INPP5A: variants seen among roughly 807,000 people sequenced by gnomAD.
INPP5A encodes 43 kDa inositol polyphosphate 5-phophatase.
INPP5A carries 14 observed loss-of-function variants against 65.2 expected under a neutral mutation model. The ratio of observed to expected loss-of-function variants is 0.21; its 90% CI spans 0.14 to 0.34. INPP5A has a LOEUF of 0.34. Among genes scored for constraint, INPP5A ranks in the 10% least tolerant of loss-of-function variants. The pLI, the probability that INPP5A is intolerant of heterozygous loss-of-function variation, is 1.00. For missense variants in INPP5A, 431 were observed against 545.6 expected (o/e 0.79, Z 2.09); for synonymous variants, 207 against 208.3 (o/e 0.99, Z 0.05).
At chr10:132,661,321 A>G (rs1298981408) in intron 4 of INPP5A, among the ~76,000 whole-genome samples, 4 of 152,246 alleles carry the variant, frequency 2.6e-5, no homozygotes, top group Non-Finnish European at 5.9e-5. Context: ...TTACTAACAT[A>G]AAAATATTTT....
At chr10:132,580,286 C>T (rs929354876) in intron 1 of INPP5A, among the ~76,000 whole-genome samples, 5 of 152,060 alleles carry the variant, frequency 3.3e-5, no homozygotes, top group East Asian at 1.9e-4. Context: ...TCCTGGGGGC[C>T]GATTTCTCGT....
chr10:132,755,730 C>G (rs968340722), intron 11 of INPP5A, among the ~76,000 whole-genome samples: 3 of 151,972 alleles, frequency 2.0e-5, no homozygotes, highest in Non-Finnish European at 2.9e-5. Context: ...TTAGGCAGAC[C>G]CTAGCGGCAG....
At chr10:132,719,881 G>A (rs1346358777) in intron 8 of INPP5A, among the ~76,000 whole-genome samples, 8 of 148,462 alleles carry the variant, frequency 5.4e-5, no homozygotes, top group Middle Eastern at 3.9e-3. Flanking sequence ...CGCCTTAGAC[G>A]GCTGTCTTCA....
Position 132,545,426 on chromosome 10 carries a change from A to T in INPP5A, c.75+7255A>T, listed in dbSNP as rs2070957865. Among the ~76,000 whole-genome samples, 3 of 152,228 alleles carry T rather than the reference A, an allele frequency of 2.0e-5. No homozygotes were observed. Among genetic ancestry groups the T allele is most frequent in the Admixed American group, 6.5e-5 (1 of 15,298 alleles). ...TCTGAGCTGTGGGGCTCACGGAGGG[A>T]CAGCCTCCAGGAAGGTGGCCTCCAT... is the stretch of plus-strand genomic sequence containing the variant. On this transcript the variant is annotated intron_variant, in intron 1 of 15. Transcript: ENST00000368594. This position sits in a 1 kb window ranked among gnomAD's most constrained non-coding sequence, Gnocchi z 4.6.
At position 132,537,799 on chromosome 10, in the gene INPP5A, C is replaced by T. The variant is rs912948427; in HGVS notation, c.-298C>T. The stretch of plus-strand genomic sequence containing the variant: ...TCCGCGGGGCGGGACTTGCCCTCAG[C>T]CTGAGTCGGCGGCGGCTGCGGGAAC... On this transcript the variant is annotated 5_prime_UTR_variant, in exon 1 of 16. Transcript: ENST00000368594. 4.1e-4 allele frequency: 151 copies of T among 367,826 alleles called. No individual in the cohort carries two copies. The highest frequency in any genetic ancestry group is 1.9e-3 in the East Asian group (49 of 25,598). 22.8% of individuals were successfully genotyped at this position (367,826 alleles called of 1,614,324 possible). A position where few individuals can be genotyped will look rare whatever the true frequency, so the allele number is the denominator to read the frequency against.
At chr10:132,756,855 G>A (rs181597138) in intron 11 of INPP5A, among the ~76,000 whole-genome samples, 48 of 152,382 alleles carry the variant, frequency 3.1e-4, no homozygotes, top group Middle Eastern at 3.4e-3. Context: ...TCCGTGGGAC[G>A]CAGAGGCGGC....
chr10:132,733,386 T>C (rs1454945089), intron 9 of INPP5A, among the ~76,000 whole-genome samples: 1 of 152,220 alleles, frequency 6.6e-6, no homozygotes, highest in African/African-American at 2.4e-5. Context: ...TTGAAAGCCC[T>C]ACCTAAAAAT....
intron 12 of INPP5A, among the ~76,000 whole-genome samples, chr10:132,770,578 C>T (rs1157320250): frequency 1.3e-5 from 2 of 152,226 alleles, no homozygotes; most frequent in East Asian, 1.9e-4. Context: ...CGCTGGCCGC[C>T]CCGGTGGCCT....
chr10:132,676,594 G>A lies in INPP5A; in HGVS notation c.307-13798G>A, dbSNP rs2072967517. Among the ~76,000 whole-genome samples the A allele has an allele frequency of 6.6e-6, 1 of 152,138 alleles. No homozygotes were observed. Among genetic ancestry groups the A allele is most frequent in the African/African-American group, 2.4e-5 (1 of 41,426 alleles). On this transcript the variant is annotated intron_variant, in intron 4 of 15. Transcript: ENST00000368594. This position sits in a 1 kb window ranked among gnomAD's most constrained non-coding sequence, Gnocchi z 4.0. Reference sequence around the variant, plus strand: ...TGTGTGGGACAGGGCTGCCCAAACCGCCGCTGGCCTACAGACTGCTGTCCC... The same window carrying A: ...TGTGTGGGACAGGGCTGCCCAAACCACCGCTGGCCTACAGACTGCTGTCCC...
chr10:132,761,104 G>C (rs954648558), intron 11 of INPP5A, among the ~76,000 whole-genome samples: 1 of 152,208 alleles, frequency 6.6e-6, no homozygotes, highest in Non-Finnish European at 1.5e-5. Flanking sequence ...TTCGTGCCAC[G>C]TCTGGTTCGA....
At position 132,674,047 on chromosome 10, in the gene INPP5A, G is replaced by A. The variant is rs1445699440; in HGVS notation, c.307-16345G>A. Among the ~76,000 whole-genome samples the A allele has an allele frequency of 6.6e-6, 1 of 152,248 alleles. No homozygotes were observed. Among genetic ancestry groups the A allele is most frequent in the Non-Finnish European group, 1.5e-5 (1 of 68,056 alleles). On this transcript the variant is annotated intron_variant, in intron 4 of 15. Transcript: ENST00000368594. This position sits in a 1 kb window ranked among gnomAD's most constrained non-coding sequence, Gnocchi z 4.4. The stretch of plus-strand genomic sequence containing the variant: ...ACAATGACAGGGGTGGCTTGGGAAA[G>A]AGGCTGAATGGTATCCACAGAAGGG...
chr10:132,771,698 A>C (rs61860775), intron 12 of INPP5A, among the ~76,000 whole-genome samples: 115 of 74,028 alleles, frequency 1.6e-3, no homozygotes, highest in Middle Eastern at 7.0e-3. Flanking sequence ...CACAGAGGCC[A>C]CGGCAGCCAC....
At chr10:132,677,333 G>A (rs35826943) in intron 4 of INPP5A, among the ~76,000 whole-genome samples, 24,178 of 152,286 alleles carry the variant, frequency 0.16, 2,307 homozygotes, top group Admixed American at 0.26. Flanking sequence ...CCACGCTGCC[G>A]TCTTGGGCTC....
chr10:132,710,236 G>A, intron 7 of INPP5A, 101 bp from the exon 8 acceptor site: 1 of 1,401,966 alleles, frequency 7.1e-7, no homozygotes, highest in Non-Finnish European at 9.7e-7. Flanking sequence ...CACGGCGGAG[G>A]CCAGTGCAGG....
chr10:132,606,703 G>A (rs1367850399), intron 1 of INPP5A, among the ~76,000 whole-genome samples: 4 of 152,250 alleles, frequency 2.6e-5, no homozygotes, highest in African/African-American at 7.2e-5. Flanking sequence ...TTGCGTGGGC[G>A]CGGAGTCTGG....
At chr10:132,590,280 C>T (rs937326944) in intron 1 of INPP5A, among the ~76,000 whole-genome samples, 2 of 151,762 alleles carry the variant, frequency 1.3e-5, no homozygotes, top group African/African-American at 2.4e-5. Flanking sequence ...GTGGTGACGC[C>T]GTCCTGTGTG....
At position 132,549,765 on chromosome 10, in the gene INPP5A, C is replaced by T. The variant is rs866078192; in HGVS notation, c.75+11594C>T. Among the ~76,000 whole-genome samples the T allele has an allele frequency of 4.6e-5, 7 of 152,264 alleles. No homozygotes were observed. The highest frequency in any genetic ancestry group is 1.0e-4 in the Non-Finnish European group (7 of 68,056). On this transcript the variant is annotated intron_variant, in intron 1 of 15. Transcript: ENST00000368594. This position sits in a 1 kb window ranked among gnomAD's most constrained non-coding sequence, Gnocchi z 4.9. ...AGCCCAGCCTGGGTTCCTGCAGCCCCCACTCTCTGCCCCTGGTCTGAATGG... is the reference window on the plus strand; with the variant it reads ...AGCCCAGCCTGGGTTCCTGCAGCCCTCACTCTCTGCCCCTGGTCTGAATGG...
At chr10:132,687,760 C>T (rs1050070967) in intron 4 of INPP5A, among the ~76,000 whole-genome samples, 5 of 152,162 alleles carry the variant, frequency 3.3e-5, no homozygotes, top group African/African-American at 9.7e-5. Context: ...AGCGAGCACT[C>T]GCACCTGCCA....
rs141170326 is a variant in INPP5A, at chr10:132,549,581, C to T, written c.75+11410C>T. 3.9e-5 allele frequency among the ~76,000 whole-genome samples: 6 copies of T among 152,234 alleles called. No homozygotes were observed. Among genetic ancestry groups the T allele is most frequent in the African/African-American group, 1.4e-4 (6 of 41,466 alleles). On this transcript the variant is annotated intron_variant, in intron 1 of 15. Transcript: ENST00000368594. The surrounding 1 kb of genome is among the most constrained non-coding windows in gnomAD (Gnocchi z 4.9). ...GGAGGGCCTGTGGGATGCGAGGCCT[C>T]TGCTACGAGGCTCCCGCTTGCCTGG...
Sources: gnomAD v4.1 joint callset for allele counts (sites outside exome capture counted in the v4.1 genomes callset) on GRCh38, gnomAD v4.1.1 for gene constraint, Gnocchi (gnomAD v3.1) non-coding constraint, MANE v1.5 for transcripts, NCBI Gene and HGNC (gene_info 2026-07-23, HGNC 2026-07-21) for gene names.